Variants in COG5 observed in about 807,000 individuals in gnomAD.
COG5 encodes the protein component of oligomeric golgi complex 5.
COG5 carries 86 observed loss-of-function variants against 110.4 expected under a neutral mutation model. The ratio of observed to expected loss-of-function variants is 0.78; its 90% CI spans 0.65 to 0.93. The LOEUF is 0.93. COG5 is among the 40% of genes least tolerant of loss of function. The probability of loss-of-function intolerance (pLI) is 0.00; values close to 1 mark genes in which losing one functional copy is unlikely to be tolerated. For missense variants in COG5, 1,077 were observed against 987.0 expected (o/e 1.09, Z -1.22); for synonymous variants, 360 against 334.6 (o/e 1.08, Z -0.83).
chr7:107,290,166 T>C (rs1284003011), intron 12 of COG5, among the ~76,000 whole-genome samples: 1 of 152,202 alleles, frequency 6.6e-6, no homozygotes, highest in East Asian at 1.9e-4. Flanking sequence ...ACATGTGGAT[T>C]CAGTGAGTGC....
At chr7:107,339,937 A>G (rs1413417845) in intron 10 of COG5, among the ~76,000 whole-genome samples, 1 of 152,136 alleles carries the variant, frequency 6.6e-6, no homozygotes, top group Admixed American at 6.5e-5. Context: ...TAATCATTTA[A>G]CATCACACAT....
rs115406703 is a variant in COG5, at chr7:107,250,296, C to A, written c.1750-1797G>T. On this transcript the variant is annotated intron_variant, in intron 16 of 21. Coordinates refer to ENST00000297135, the MANE Select transcript of COG5 (RefSeq NM_006348.5). ...CAGCTAACTATCAGTAATGCATGTG[C>A]AGAGCAAACTAAATGCGGCTTGCAA... Among the ~76,000 whole-genome samples, 429 of 152,184 alleles carry A rather than the reference C, an allele frequency of 2.8e-3. 2 individuals carry two copies. Among genetic ancestry groups the A allele is most frequent in the African/African-American group, 9.7e-3 (404 of 41,520 alleles).
chr7:107,438,608 A>G (rs972672206), intron 6 of COG5, among the ~76,000 whole-genome samples: 3 of 152,208 alleles, frequency 2.0e-5, no homozygotes, highest in African/African-American at 4.8e-5. Flanking sequence ...CTGAGAAGTT[A>G]TATTTCCTGC....
At chr7:107,216,056 T>G (rs980058528) in intron 19 of COG5, among the ~76,000 whole-genome samples, 2 of 151,778 alleles carry the variant, frequency 1.3e-5, no homozygotes, top group African/African-American at 4.8e-5. Flanking sequence ...AGTGAAAGTA[T>G]GAAGAAAGAT....
intron 10 of COG5, among the ~76,000 whole-genome samples, chr7:107,327,869 C>T (rs549591667): frequency 6.6e-6 from 1 of 152,066 alleles, no homozygotes; most frequent in Non-Finnish European, 1.5e-5. Flanking sequence ...AATAGTGTAG[C>T]CACTATGGAA....
At chr7:107,335,154 CT>C (rs1238701711) in intron 10 of COG5, among the ~76,000 whole-genome samples, 6 of 152,170 alleles carry the variant, frequency 3.9e-5, no homozygotes, top group Admixed American at 3.9e-4. Flanking sequence ...CTTTTGTCAT[CT>C]AAGTTGTCAT....
rs188849424 is a variant in COG5 at position 107,508,273 on chromosome 7, C to A, written c.538+18964G>T. Among the ~76,000 whole-genome samples the A allele has an allele frequency of 5.8e-3, 891 of 152,312 alleles. 9 individuals are homozygous for A. The highest frequency in any genetic ancestry group is 0.021 in the African/African-American group (859 of 41,568). ...GGAGGGTCCTATGCCCACAGAGTCTCGCTGATTGCTAGCACAGCAGTCTGA... is the reference window on the plus strand; with the variant it reads ...GGAGGGTCCTATGCCCACAGAGTCTAGCTGATTGCTAGCACAGCAGTCTGA... On this transcript the variant is annotated intron_variant, in intron 6 of 21. Coordinates refer to ENST00000297135, the MANE Select transcript of COG5 (RefSeq NM_006348.5).
chr7:107,436,230 A>G (rs1429713687), intron 6 of COG5, among the ~76,000 whole-genome samples: 1 of 152,224 alleles, frequency 6.6e-6, no homozygotes, highest in Non-Finnish European at 1.5e-5. Context: ...CAGATGAATA[A>G]GCAAAATGTG....
At chr7:107,308,893 AC>A (rs1807964136) in intron 11 of COG5, among the ~76,000 whole-genome samples, 2 of 145,002 alleles carry the variant, frequency 1.4e-5, no homozygotes, top group East Asian at 4.0e-4. Context: ...TTTCAATACA[AC>A]CCCAGTAGTC....
At chr7:107,209,596 T>C (rs1285510364) in intron 21 of COG5, 2 of 160,910 alleles carry the variant, frequency 1.2e-5, no homozygotes, top group African/African-American at 4.8e-5. Flanking sequence ...TGATAGCATT[T>C]AAGGAATGGC....
rs545663181 is a variant in COG5 at position 107,467,503 on chromosome 7, G to C, written c.539-54871C>G. ...TCGCGAGGAGCTGGACTAGAGGCTT[G>C]TGCCACCATGCCTAATTTTTGTATT... is the stretch of plus-strand genomic sequence containing the variant. On this transcript the variant is annotated intron_variant, in intron 6 of 21. Coordinates refer to ENST00000297135, the MANE Select transcript of COG5 (RefSeq NM_006348.5). Among the ~76,000 whole-genome samples the C allele has an allele frequency of 1.4e-3, 208 of 152,116 alleles. 1 individual carries two copies. Among genetic ancestry groups the C allele is most frequent in the South Asian group, 3.1e-3 (15 of 4,826 alleles).
intron 6 of COG5, among the ~76,000 whole-genome samples, chr7:107,434,532 G>A (rs573538486): frequency 1.2e-4 from 18 of 151,928 alleles, no homozygotes; most frequent in Non-Finnish European, 2.5e-4. Flanking sequence ...AATCACCACT[G>A]AAGAACTTAT....
At chr7:107,422,668 C>CAT (rs1414434695) in intron 6 of COG5, among the ~76,000 whole-genome samples, 1 of 151,278 alleles carries the variant, frequency 6.6e-6, no homozygotes, top group Non-Finnish European at 1.5e-5. Context: ...TCTGTGTTCT[C>CAT]TAAGGTTTCT....
rs138339486 is a variant in COG5, at chr7:107,538,321, T to A, written c.417+9790A>T. ...TTGCACCTTAGGCAAATAGCACACC[T>A]GGTCTGACCAATCTTTCATGCCCTA... On this transcript the variant is annotated intron_variant, in intron 5 of 21. Transcript: ENST00000297135. Among the ~76,000 whole-genome samples the A allele has an allele frequency of 5.0e-3, 762 of 152,308 alleles. 5 individuals are homozygous for A. The highest frequency in any genetic ancestry group is 0.017 in the African/African-American group (719 of 41,578).
intron 12 of COG5, among the ~76,000 whole-genome samples, chr7:107,297,435 C>T (rs965181958): frequency 1.0e-4 from 14 of 134,314 alleles, no homozygotes; most frequent in East Asian, 2.4e-4. Flanking sequence ...GGGATGAGTA[C>T]ATTCTGCCTT....
At chr7:107,499,667 C>G (rs1798512946) in intron 6 of COG5, among the ~76,000 whole-genome samples, 1 of 152,046 alleles carries the variant, frequency 6.6e-6, no homozygotes, top group South Asian at 2.1e-4. Flanking sequence ...TCAGACCTCC[C>G]TAAGTGCTAG....
chr7:107,231,654 C>T lies in COG5; in HGVS notation c.2092-963G>A, dbSNP rs377147406. 7.9e-5 allele frequency among the ~76,000 whole-genome samples: 12 copies of T among 152,280 alleles called. 1 individual carries two copies. The East Asian group carries it at 1.2e-3, about 15-fold the overall frequency. ...AGCACATATGATTTAAGGCTTCTGT[C>T]CTGCTGGCCACCCTTACAAAAAATT... is the stretch of plus-strand genomic sequence containing the variant. On this transcript the variant is annotated intron_variant, in intron 18 of 21. Coordinates refer to ENST00000297135, the MANE Select transcript of COG5 (RefSeq NM_006348.5).
At chr7:107,265,914 G>T (rs1345695498) in intron 14 of COG5, among the ~76,000 whole-genome samples, 2 of 152,044 alleles carry the variant, frequency 1.3e-5, no homozygotes, top group Non-Finnish European at 2.9e-5. Context: ...AATTAGCTGG[G>T]CATAGTGGTT....
Position 107,362,316 on chromosome 7 carries a change from A to T in COG5, c.940T>A (p.Cys314Ser). The T allele has an allele frequency of 6.2e-7, 1 of 1,603,166 alleles. No homozygotes were observed. Among genetic ancestry groups the T allele is most frequent in the Non-Finnish European group, 8.5e-7 (1 of 1,170,182 alleles). The stretch of plus-strand genomic sequence containing the variant: ...CTCCTTCAAATATTTACCTGTCCAC[A>T]AACAGCATAAATATGATCCATAAGT... ...EKLMDHIYAV[C>S]GQVQHLQKVL... The change falls in exon 9 of 22, where the codon TGT becomes AGT. Residue 314 changes from cysteine to serine, a missense_variant. Physicochemically the swap from Cys to Ser is moderately radical, Grantham distance 112 (BLOSUM62 -1). Coordinates refer to ENST00000297135, the MANE Select transcript of COG5 (RefSeq NM_006348.5).
Sources: allele counts gnomAD v4.1 joint callset (sites outside exome capture counted in the v4.1 genomes callset), GRCh38; gene constraint gnomAD v4.1.1; transcripts MANE v1.5; gene names NCBI Gene and HGNC (gene_info 2026-07-23, HGNC 2026-07-21).